IGF1R: variants seen among roughly 807,000 people sequenced by gnomAD.
IGF1R encodes insulin like growth factor 1 receptor.
IGF1R carries 44 observed loss-of-function variants against 144.6 expected under a neutral mutation model. That is an observed-to-expected ratio of 0.30 (90% CI 0.24 to 0.39). The LOEUF is 0.39. Among genes scored for constraint, IGF1R ranks in the 10% least tolerant of loss-of-function variants. The probability of loss-of-function intolerance (pLI) is 1.00; values close to 1 mark genes in which losing one functional copy is unlikely to be tolerated. For missense variants in IGF1R, 1,355 were observed against 1,833.7 expected, an observed-to-expected ratio of 0.74 and a Z score of 4.77; for synonymous variants, 795 against 722.8, an observed-to-expected ratio of 1.10 and a Z score of -1.60.
intron 14 of IGF1R, 78 bp from the exon 15 acceptor site, chr15:98,930,157 G>A (rs2015883188): frequency 1.0e-6 from 1 of 965,996 alleles, no homozygotes; most frequent in African/African-American, 1.6e-5. Context: ...AAATGAAACT[G>A]TTGTAGCGAA....
chr15:98,917,123 C>T (rs2015289507), intron 10 of IGF1R, among the ~76,000 whole-genome samples: 1 of 152,182 alleles, frequency 6.6e-6, no homozygotes, highest in Non-Finnish European at 1.5e-5. Context: ...ACTGCTGTCT[C>T]AGCCACAACC....
intron 2 of IGF1R, among the ~76,000 whole-genome samples, chr15:98,782,635 A>G (rs980662485): frequency 6.6e-6 from 1 of 152,216 alleles, no homozygotes; most frequent in Non-Finnish European, 1.5e-5. Context: ...AATGATGGAC[A>G]TGATTTCTTT....
At chr15:98,652,650 G>A (rs1258418145) in intron 1 of IGF1R, among the ~76,000 whole-genome samples, 1 of 152,174 alleles carries the variant, frequency 6.6e-6, no homozygotes, top group Non-Finnish European at 1.5e-5. Flanking sequence ...AGTGAAAGAA[G>A]TCAGTCACAA....
chr15:98,912,195 A>G (rs750129954), intron 7 of IGF1R, among the ~76,000 whole-genome samples: 8 of 152,200 alleles, frequency 5.3e-5, no homozygotes, highest in Admixed American at 2.0e-4. Context: ...TCTCTCTCCC[A>G]GATGTGTGGC....
intron 2 of IGF1R, among the ~76,000 whole-genome samples, chr15:98,772,202 T>C (rs1205809889): frequency 6.6e-6 from 1 of 152,176 alleles, no homozygotes; most frequent in Non-Finnish European, 1.5e-5. Context: ...AACAGGTGTT[T>C]ATAAGGAGTT....
intron 2 of IGF1R, among the ~76,000 whole-genome samples, chr15:98,882,113 C>T (rs1387392326): frequency 6.6e-6 from 1 of 152,198 alleles, no homozygotes; most frequent in African/African-American, 2.4e-5. Context: ...AGCATTTCTA[C>T]ACTGTTCAGA....
At chr15:98,669,888 G>T (rs1299469085) in intron 1 of IGF1R, among the ~76,000 whole-genome samples, 1 of 152,216 alleles carries the variant, frequency 6.6e-6, no homozygotes, top group African/African-American at 2.4e-5. Flanking sequence ...ACTGATAAGA[G>T]CATGGGCTGA....
intron 2 of IGF1R, among the ~76,000 whole-genome samples, chr15:98,713,393 A>G (rs1008638456): frequency 9.9e-5 from 15 of 152,186 alleles, no homozygotes; most frequent in Non-Finnish European, 1.2e-4. Context: ...TATGAAATGC[A>G]GATGTTTACT....
chr15:98,786,352 G>T (rs2055995299), intron 2 of IGF1R, among the ~76,000 whole-genome samples: 1 of 149,190 alleles, frequency 6.7e-6, no homozygotes, highest in Non-Finnish European at 1.5e-5. Flanking sequence ...TTTACTCAGT[G>T]GTTTAATTGT....
chr15:98,909,117 C>T (rs1330949605), intron 6 of IGF1R, among the ~76,000 whole-genome samples: 1 of 152,184 alleles, frequency 6.6e-6, no homozygotes, highest in Non-Finnish European at 1.5e-5. Flanking sequence ...CTGTACATCT[C>T]TGTGAGTGTG....
intron 13 of IGF1R, among the ~76,000 whole-genome samples, chr15:98,925,203 T>A (rs2715428): frequency 6.6e-6 from 1 of 151,748 alleles, no homozygotes; most frequent in Non-Finnish European, 1.5e-5. Flanking sequence ...CCTTTTAAAG[T>A]CCCCACATGC....
intron 2 of IGF1R, among the ~76,000 whole-genome samples, chr15:98,767,048 G>A (rs1170384787): frequency 1.3e-5 from 2 of 152,080 alleles, no homozygotes; most frequent in African/African-American, 4.8e-5. Context: ...TCGCCCAGTG[G>A]TACCTTCTGA....
chr15:98,900,490 A>G (rs2014426914), intron 5 of IGF1R: 1 of 152,282 alleles, frequency 6.6e-6, no homozygotes, highest in Non-Finnish European at 1.5e-5. Flanking sequence ...CCAACTGGAT[A>G]AAGTTACTGC....
At chr15:98,737,929 A>G (rs959927500) in intron 2 of IGF1R, among the ~76,000 whole-genome samples, 2 of 152,156 alleles carry the variant, frequency 1.3e-5, no homozygotes, top group African/African-American at 4.8e-5. Context: ...TGTCTGCTCT[A>G]GGAGCAAAAG....
intron 1 of IGF1R, among the ~76,000 whole-genome samples, chr15:98,701,077 T>C (rs1596204764): frequency 6.6e-6 from 1 of 152,114 alleles, no homozygotes; most frequent in Non-Finnish European, 1.5e-5. Flanking sequence ...TACTAAGTTA[T>C]TGGTTCCAAA....
Position 98,911,302 on chromosome 15 carries a change from C to T in IGF1R, c.1463-13C>T, listed in dbSNP as rs2151674098. 6.2e-7 allele frequency: 1 copy of T among 1,614,126 alleles called. No individual in the cohort carries two copies. Reference sequence around the variant, plus strand: ...TGAATCTCTGTCACTCACGGATGTACTCTTTGCCCCAGGTGAAAGTGACGT... The same window carrying T: ...TGAATCTCTGTCACTCACGGATGTATTCTTTGCCCCAGGTGAAAGTGACGT... On this transcript the variant is annotated splice_polypyrimidine_tract_variant and intron_variant, in intron 6 of 20. Transcript: ENST00000650285.
intron 1 of IGF1R, among the ~76,000 whole-genome samples, chr15:98,662,371 C>G (rs1219017375): frequency 6.6e-6 from 1 of 152,086 alleles, no homozygotes; most frequent in Admixed American, 6.6e-5. Context: ...TAAGTAACCA[C>G]CTTGCTTCTC....
At chr15:98,744,993 C>G (rs1426110055) in intron 2 of IGF1R, among the ~76,000 whole-genome samples, 5 of 152,180 alleles carry the variant, frequency 3.3e-5, no homozygotes, top group African/African-American at 7.2e-5. Context: ...GAATCGTAGC[C>G]TTGTCCTCTG....
intron 2 of IGF1R, among the ~76,000 whole-genome samples, chr15:98,710,918 C>T (rs1451398635): frequency 2.6e-5 from 4 of 152,200 alleles, no homozygotes; most frequent in Admixed American, 6.5e-5. Flanking sequence ...GATCCGCCCG[C>T]CTCAGCCTCC....
Sources: allele counts gnomAD v4.1 joint callset (sites outside exome capture counted in the v4.1 genomes callset), GRCh38; gene constraint gnomAD v4.1.1; transcripts MANE v1.5; gene names NCBI Gene and HGNC (gene_info 2026-07-23, HGNC 2026-07-21).